The following SCML4 variants were observed in gnomAD, a reference collection of about 807,000 sequenced individuals.
SCML4 encodes sex comb on midleg-like protein 4.
A neutral mutation model predicts 41.1 loss-of-function variants in SCML4; 34 were observed. The observed-to-expected ratio is 0.83, with a 90% confidence interval of 0.63 to 1.10. The LOEUF (loss-of-function observed/expected upper bound fraction) is 1.10. Ranked by LOEUF, SCML4 falls within the 50% of genes least tolerant of loss-of-function variation. SCML4 has a pLI of 0.00. For synonymous variants in SCML4, 214 were observed against 220.9 expected (o/e 0.97, Z 0.28); for missense variants, 522 against 534.1 (o/e 0.98, Z 0.22).
intron 1 of SCML4, among the ~76,000 whole-genome samples, chr6:107,805,732 A>G (rs1048847841): frequency 1.2e-4 from 18 of 152,238 alleles, no homozygotes; most frequent in African/African-American, 4.3e-4. Flanking sequence ...AGTTGTACAT[A>G]TGTGGTGAGC....
At chr6:107,732,964 C>T (rs899077889) in intron 5 of SCML4, among the ~76,000 whole-genome samples, 2 of 152,234 alleles carry the variant, frequency 1.3e-5, no homozygotes, top group African/African-American at 4.8e-5. Flanking sequence ...TAGCATTGCT[C>T]ACTCTGGTGG....
At chr6:107,709,214 A>G (rs1773992967) in intron 6 of SCML4, among the ~76,000 whole-genome samples, 1 of 152,136 alleles carries the variant, frequency 6.6e-6, no homozygotes, top group Non-Finnish European at 1.5e-5. Context: ...ATTCTACCTC[A>G]AGGTCAAGGG....
chr6:107,755,524 G>A (rs755965569), intron 2 of SCML4: 2 of 990,256 alleles, frequency 2.0e-6, no homozygotes. Flanking sequence ...CCACTGGCTA[G>A]AAGCTTTGCT....
chr6:107,811,461 A>T (rs1784152913), intron 1 of SCML4, among the ~76,000 whole-genome samples: 1 of 152,166 alleles, frequency 6.6e-6, no homozygotes, highest in Non-Finnish European at 1.5e-5. Flanking sequence ...TCTTGTATTT[A>T]TAAGCAGTGG....
Position 107,704,787 on chromosome 6 carries a change from G to C in SCML4, c.*413C>G, listed in dbSNP as rs984597498. 1.3e-5 allele frequency: 3 copies of C among 223,950 alleles called. No homozygotes were observed. In the South Asian group the frequency reaches 2.0e-4, roughly 15 times the overall value. The allele number at this position is 223,950 out of a possible 1,614,324, so 13.9% of individuals were successfully genotyped here. ...CACATGGATAGGTCCCCAGGTCAGAGTTAGAGGCAGATGGTGCTGAGGGGG... is the reference window on the plus strand; with the variant it reads ...CACATGGATAGGTCCCCAGGTCAGACTTAGAGGCAGATGGTGCTGAGGGGG... On this transcript the variant is annotated 3_prime_UTR_variant, in exon 8 of 8. Transcript: ENST00000369020.
Position 107,809,538 on chromosome 6 carries a change from T to C in SCML4, c.-60+14588A>G, listed in dbSNP as rs1030194518. ...AAAGGGAGAATGCAGAAAACTTTTT[T>C]GAAAGTAACATCCATCAGGACCTGT... is the stretch of plus-strand genomic sequence containing the variant. On this transcript the variant is annotated intron_variant, in intron 1 of 7. Coordinates refer to ENST00000369020, the MANE Select transcript of SCML4 (RefSeq NM_198081.5). Among the ~76,000 whole-genome samples the C allele has an allele frequency of 3.3e-5, 5 of 152,166 alleles. No homozygotes were observed. In the East Asian group the frequency reaches 9.6e-4, roughly 29 times the overall value.
intron 2 of SCML4, among the ~76,000 whole-genome samples, chr6:107,767,989 G>A (rs777926758): frequency 5.3e-5 from 8 of 151,916 alleles, no homozygotes; most frequent in Non-Finnish European, 8.8e-5. Context: ...GGCTGGGCCC[G>A]GTGGCTCATG....
chr6:107,723,189 G>T (rs1775604895), intron 5 of SCML4, among the ~76,000 whole-genome samples: 1 of 152,140 alleles, frequency 6.6e-6, no homozygotes, highest in Non-Finnish European at 1.5e-5. Context: ...TTACAATAGG[G>T]TTATATCCCA....
chr6:107,752,764 C>T (rs1475918381), intron 2 of SCML4, among the ~76,000 whole-genome samples: 1 of 151,966 alleles, frequency 6.6e-6, no homozygotes, highest in Non-Finnish European at 1.5e-5. Flanking sequence ...AAATCTTTGC[C>T]CTCGTGGAAC....
In SCML4 at chr6:107,779,372, G is replaced by A. The variant is rs138937987; in HGVS notation, c.-59-6986C>T. Among the ~76,000 whole-genome samples the A allele has an allele frequency of 3.1e-3, 475 of 152,216 alleles. 3 individuals are homozygous for A. The highest frequency in any genetic ancestry group is 0.011 in the African/African-American group (450 of 41,540). On this transcript the variant is annotated intron_variant, in intron 1 of 7. Transcript: ENST00000369020. Reference sequence around the variant, plus strand: ...GTAAGGTTGGGAAGGGTAGGAGCAGGTGATATCAGAGCTAGGATTTTCCCG... The same window carrying A: ...GTAAGGTTGGGAAGGGTAGGAGCAGATGATATCAGAGCTAGGATTTTCCCG...
At position 107,703,319 on chromosome 6, in the gene SCML4, C is replaced by T. The variant is rs1773325755; in HGVS notation, c.*1881G>A. Among the ~76,000 whole-genome samples, 1 of 152,118 alleles carries T rather than the reference C, an allele frequency of 6.6e-6. No homozygotes were observed. The highest frequency in any genetic ancestry group is 2.4e-5 in the African/African-American group (1 of 41,412). Reference sequence around the variant, plus strand: ...TCTCTTGGGGTCTGGATCGGGACCCCCTTCCTGTAACAAAATCACCAGACA... The same window carrying T: ...TCTCTTGGGGTCTGGATCGGGACCCTCTTCCTGTAACAAAATCACCAGACA... On this transcript the variant is annotated 3_prime_UTR_variant, in exon 8 of 8. Coordinates refer to ENST00000369020, the MANE Select transcript of SCML4 (RefSeq NM_198081.5).
intron 1 of SCML4, among the ~76,000 whole-genome samples, chr6:107,822,719 A>T (rs553748783): frequency 9.5e-4 from 145 of 152,200 alleles, no homozygotes; most frequent in Non-Finnish European, 3.2e-4. Context: ...CATATTTTTT[A>T]AAAATTCTGT....
At chr6:107,798,556 A>T (rs1782878204) in intron 1 of SCML4, among the ~76,000 whole-genome samples, 2 of 151,646 alleles carry the variant, frequency 1.3e-5, no homozygotes, top group South Asian at 4.1e-4. Flanking sequence ...AGAACTTTTG[A>T]TTTGCCAATA....
intron 2 of SCML4, among the ~76,000 whole-genome samples, chr6:107,765,298 A>C (rs1033975747): frequency 1.3e-5 from 2 of 152,224 alleles, no homozygotes; most frequent in Admixed American, 1.3e-4. Context: ...ATCCGGGTAC[A>C]GGCATCCTGA....
chr6:107,750,020 C>T (rs374418850), intron 2 of SCML4, among the ~76,000 whole-genome samples: 9 of 152,272 alleles, frequency 5.9e-5, no homozygotes, highest in East Asian at 5.8e-4. Context: ...CTCATTCCAC[C>T]CTTTCAGAAG....
chr6:107,792,080 T>A (rs1782373112), intron 1 of SCML4, among the ~76,000 whole-genome samples: 1 of 152,202 alleles, frequency 6.6e-6, no homozygotes, highest in Non-Finnish European at 1.5e-5. Flanking sequence ...TCATGGGCCA[T>A]CTTGATTGCA....
At chr6:107,779,629 C>T (rs1781327179) in intron 1 of SCML4, among the ~76,000 whole-genome samples, 1 of 152,182 alleles carries the variant, frequency 6.6e-6, no homozygotes, top group Non-Finnish European at 1.5e-5. Context: ...TTCTAACTCA[C>T]TGTCATTTCG....
chr6:107,786,189 G>T (rs572998883), intron 1 of SCML4, among the ~76,000 whole-genome samples: 6 of 152,192 alleles, frequency 3.9e-5, no homozygotes, highest in Admixed American at 2.0e-4. Flanking sequence ...GAGTTGGATC[G>T]CAGCAGGTCT....
chr6:107,743,764 C>T (rs1777804749), intron 5 of SCML4, among the ~76,000 whole-genome samples: 1 of 152,160 alleles, frequency 6.6e-6, no homozygotes, highest in South Asian at 2.1e-4. Context: ...CTTCCTGTTT[C>T]CCAGGACTCA....
Sources: gnomAD v4.1 joint callset for allele counts (sites outside exome capture counted in the v4.1 genomes callset) on GRCh38, gnomAD v4.1.1 for gene constraint, MANE v1.5 for transcripts, NCBI Gene and HGNC (gene_info 2026-07-23, HGNC 2026-07-21) for gene names.